Variants in CHN2 observed in about 807,000 individuals in gnomAD.
CHN2 encodes chimerin 2.
CHN2 carries 35 observed loss-of-function variants against 56.3 expected under a neutral mutation model. The observed-to-expected ratio is 0.62, with a 90% CI of 0.47 to 0.82. The LOEUF (loss-of-function observed/expected upper bound fraction) is 0.82. Among genes scored for constraint, CHN2 ranks in the 40% least tolerant of loss-of-function variants. The pLI, the probability that CHN2 is intolerant of heterozygous loss-of-function variation, is 0.00. For missense variants in CHN2, 491 were observed against 580.5 expected (o/e 0.85, Z 1.58); for synonymous variants, 210 against 212.8 (o/e 0.99, Z 0.12).
At chr7:29,450,593 G>A (rs540544972) in intron 6 of CHN2, among the ~76,000 whole-genome samples, 2 of 152,318 alleles carry the variant, frequency 1.3e-5, no homozygotes, top group South Asian at 4.1e-4. Flanking sequence ...CCTAGCTCCA[G>A]AGGGAGCACA....
At chr7:29,446,615 C>G (rs138636842) in intron 6 of CHN2, among the ~76,000 whole-genome samples, 1 of 152,086 alleles carries the variant, frequency 6.6e-6, no homozygotes, top group South Asian at 2.1e-4. Flanking sequence ...AGAGTTCACA[C>G]GACCCGGTAA....
rs543694968 is a variant in CHN2, at chr7:29,384,884, G to A, written c.145-8795G>A. On this transcript the variant is annotated intron_variant, in intron 3 of 12. Coordinates refer to ENST00000222792, the MANE Select transcript of CHN2 (RefSeq NM_004067.4). Reference sequence around the variant, plus strand: ...GTTTTGTTTCCAACCCAGCAATCAGGGCAAAATTTCAAAGCTACATGCTGT... The same window carrying A: ...GTTTTGTTTCCAACCCAGCAATCAGAGCAAAATTTCAAAGCTACATGCTGT... Among the ~76,000 whole-genome samples, 37 of 152,230 alleles carry A rather than the reference G, an allele frequency of 2.4e-4. No homozygotes were observed. In the South Asian group the frequency reaches 7.7e-3, roughly 32 times the overall value.
chr7:29,349,067 C>T (rs1295314963), intron 1 of CHN2, among the ~76,000 whole-genome samples: 2 of 152,136 alleles, frequency 1.3e-5, no homozygotes, highest in South Asian at 2.1e-4. Context: ...TAGATAATAA[C>T]AGCAAGTTTA....
intron 12 of CHN2, 49 bp from the exon 13 acceptor site, chr7:29,512,515 C>A (rs1791600385): frequency 1.3e-6 from 2 of 1,502,332 alleles, no homozygotes; most frequent in Non-Finnish European, 1.8e-6. Context: ...TACATAAAAT[C>A]AATCCTCAAG....
At chr7:29,505,186 A>G (rs1156522204) in intron 10 of CHN2, among the ~76,000 whole-genome samples, 1 of 152,102 alleles carries the variant, frequency 6.6e-6, no homozygotes, top group Admixed American at 6.6e-5. Flanking sequence ...GTAGGAGGGA[A>G]CTGCTTTTGT....
intron 2 of CHN2, among the ~76,000 whole-genome samples, chr7:29,186,763 A>G (rs1168744251): frequency 6.6e-6 from 1 of 152,184 alleles, no homozygotes; most frequent in East Asian, 1.9e-4. Context: ...TGAAATTTCA[A>G]GTAAAAACTA....
Position 29,381,440 on chromosome 7 carries a change from G to A in CHN2, c.145-12239G>A, listed in dbSNP as rs1358295936. On this transcript the variant is annotated intron_variant, in intron 3 of 12. Coordinates refer to ENST00000222792, the MANE Select transcript of CHN2 (RefSeq NM_004067.4). ...CCAACATATGGAGCCAAGGAATCAC[G>A]GTGCCAAAGAAGATGTAGCAAAGAA... Among the ~76,000 whole-genome samples, 6 of 152,128 alleles carry A rather than the reference G, an allele frequency of 3.9e-5. 1 individual carries two copies. The highest frequency in any genetic ancestry group is 4.1e-4 in the South Asian group (2 of 4,820).
At chr7:29,389,962 G>A (rs1323438756) in intron 3 of CHN2, among the ~76,000 whole-genome samples, 1 of 150,688 alleles carries the variant, frequency 6.6e-6, no homozygotes, top group Non-Finnish European at 1.5e-5. Flanking sequence ...GCTGAGACAG[G>A]AGAATCATTT....
chr7:29,186,750 G>C (rs1258772258), intron 2 of CHN2, among the ~76,000 whole-genome samples: 1 of 151,916 alleles, frequency 6.6e-6, no homozygotes, highest in Non-Finnish European at 1.5e-5. Context: ...CATAACAGCA[G>C]GCTGAAATTT....
At chr7:29,270,492 TA>T (rs869244337) in intron 1 of CHN2, among the ~76,000 whole-genome samples, 2,666 of 105,306 alleles carry the variant, frequency 0.025, 91 homozygotes, top group African/African-American at 0.088. Flanking sequence ...CCATCTCTAC[TA>T]AAAAAAAAAA....
chr7:29,326,998 A>T (rs562306177), intron 1 of CHN2, among the ~76,000 whole-genome samples: 1 of 152,198 alleles, frequency 6.6e-6, no homozygotes, highest in Non-Finnish European at 1.5e-5. Flanking sequence ...ACTTCAGATG[A>T]ATGGAGGCAA....
At chr7:29,470,976 CAAG>C (rs1055947094) in intron 6 of CHN2, among the ~76,000 whole-genome samples, 1 of 152,142 alleles carries the variant, frequency 6.6e-6, no homozygotes, top group African/African-American at 2.4e-5. Context: ...TCATCTAGGG[CAAG>C]AAGGAAGATA....
At chr7:29,186,193 A>G (rs2128748823) in intron 2 of CHN2, among the ~76,000 whole-genome samples, 1 of 152,244 alleles carries the variant, frequency 6.6e-6, no homozygotes, top group Non-Finnish European at 1.5e-5. Flanking sequence ...CCTTGGGGTC[A>G]GGAGTACAAG....
chr7:29,168,349 T>C (rs776413299), intron 2 of CHN2, among the ~76,000 whole-genome samples: 36 of 152,216 alleles, frequency 2.4e-4, no homozygotes, highest in Non-Finnish European at 4.6e-4. Context: ...CAATTTTTGG[T>C]TTTTCTTTTA....
chr7:29,413,257 A>G (rs17157921), intron 6 of CHN2, among the ~76,000 whole-genome samples: 7,156 of 152,308 alleles, frequency 0.047, 189 homozygotes, highest in South Asian at 0.09. Context: ...ATTGTTCTCA[A>G]GTGACTCATT....
chr7:29,268,045 C>T (rs1369449664), intron 1 of CHN2, among the ~76,000 whole-genome samples: 1 of 151,992 alleles, frequency 6.6e-6, no homozygotes, highest in Non-Finnish European at 1.5e-5. Flanking sequence ...CTTCCTGTAC[C>T]CAGCATATTT....
rs1050960130 is a variant in CHN2 at position 29,358,337 on chromosome 7, G to A, written c.88+3674G>A. Among the ~76,000 whole-genome samples the A allele has an allele frequency of 9.2e-5, 14 of 152,292 alleles. No individual in the cohort carries two copies. In the East Asian group the frequency reaches 2.1e-3, roughly 23 times the overall value. On this transcript the variant is annotated intron_variant, in intron 2 of 12. Transcript: ENST00000222792. ...CACTTGAGCCCAGGAGTTTGAGGCT[G>A]TAGGGAGCTACGATCACACCATTGC... is the stretch of plus-strand genomic sequence containing the variant.
In CHN2 at chr7:29,451,682, A is replaced by G. The variant is rs557297954; in HGVS notation, c.577-28597A>G. Among the ~76,000 whole-genome samples, 288 of 152,300 alleles carry G rather than the reference A, an allele frequency of 1.9e-3. 1 individual carries two copies. Among genetic ancestry groups the G allele is most frequent in the Admixed American group, 3.1e-3 (48 of 15,304 alleles). Reference sequence around the variant, plus strand: ...AATGTAGAGAATTCTCCAACCACATATAATAATCATGAGCCCCTGAGAGTC... The same window carrying G: ...AATGTAGAGAATTCTCCAACCACATGTAATAATCATGAGCCCCTGAGAGTC... On this transcript the variant is annotated intron_variant, in intron 6 of 12. Coordinates refer to ENST00000222792, the MANE Select transcript of CHN2 (RefSeq NM_004067.4).
chr7:29,504,827 C>T lies in CHN2; in HGVS notation c.991+6C>T, dbSNP rs1790386670. On this transcript the variant is annotated splice_donor_region_variant and intron_variant, in intron 10 of 12. Transcript: ENST00000222792. ...CAAAATGGCATTTGACAGAGGTAAG[C>T]TTGTACTTTCTTGAATGCCATCTGA... 1 of 1,599,398 alleles carries T rather than the reference C, an allele frequency of 6.3e-7. No homozygotes were observed. The highest frequency in any genetic ancestry group is 8.6e-7 in the Non-Finnish European group (1 of 1,167,812).
Sources: gnomAD v4.1 joint callset for allele counts (sites outside exome capture counted in the v4.1 genomes callset) on GRCh38, gnomAD v4.1.1 for gene constraint, MANE v1.5 for transcripts, NCBI Gene and HGNC (gene_info 2026-07-23, HGNC 2026-07-21) for gene names.